STPG2: variants seen among roughly 807,000 people sequenced by gnomAD.
The protein encoded by STPG2 is sperm tail PG-rich repeat containing 2.
STPG2 carries 56 observed loss-of-function variants against 54.2 expected under a neutral mutation model. The ratio of observed to expected loss-of-function variants is 1.03; its 90% CI spans 0.83 to 1.29. The LOEUF is 1.29. STPG2 is among the 50% of genes most tolerant of loss of function. The pLI, the probability that STPG2 is intolerant of heterozygous loss-of-function variation, is 0.00. For missense variants in STPG2, 596 were observed against 544.9 expected, an observed-to-expected ratio of 1.09 and a Z score of -0.93; for synonymous variants, 200 against 181.8, an observed-to-expected ratio of 1.10 and a Z score of -0.81.
intron 5 of STPG2, among the ~76,000 whole-genome samples, chr4:98,032,048 C>CA (rs1736616574): frequency 6.6e-6 from 1 of 151,998 alleles, no homozygotes; most frequent in Non-Finnish European, 1.5e-5. Flanking sequence ...TGGCCATAAT[C>CA]AAAAAATCAA....
At chr4:98,045,871 T>C (rs906080352) in intron 5 of STPG2, among the ~76,000 whole-genome samples, 12 of 152,078 alleles carry the variant, frequency 7.9e-5, no homozygotes, top group African/African-American at 2.9e-4. Flanking sequence ...TTGGGCTTCC[T>C]GGAGCTGGAT....
intron 4 of STPG2, among the ~76,000 whole-genome samples, chr4:97,465,187 T>A (rs1020805558): frequency 6.6e-6 from 1 of 152,178 alleles, no homozygotes; most frequent in Non-Finnish European, 1.5e-5. Context: ...AAAATTACCA[T>A]TGTACTTATT....
chr4:97,504,652 A>G (rs1169559794), intron 4 of STPG2, among the ~76,000 whole-genome samples: 1 of 151,992 alleles, frequency 6.6e-6, no homozygotes, highest in African/African-American at 2.4e-5. Flanking sequence ...CTCCATCTAT[A>G]ACATCTGAAA....
chr4:97,728,691 A>T (rs1478642628), intron 9 of STPG2, among the ~76,000 whole-genome samples: 1 of 152,016 alleles, frequency 6.6e-6, no homozygotes, highest in Non-Finnish European at 1.5e-5. Flanking sequence ...GAAAAAAAAA[A>T]ATTCATAAGG....
At chr4:97,554,636 TA>T (rs540900133), downstream of STPG2, among the ~76,000 whole-genome samples, 57 of 152,306 alleles carry the variant, frequency 3.7e-4, no homozygotes, top group Middle Eastern at 3.4e-3. Flanking sequence ...TCTTGAGCTA[TA>T]AACAACATTC....
rs546871695 is a variant in STPG2 at position 97,683,939 on chromosome 4, G to T, written c.1320+28760C>A. 4.9e-3 allele frequency among the ~76,000 whole-genome samples: 750 copies of T among 151,820 alleles called. 3 individuals carry two copies. The highest frequency in any genetic ancestry group is 0.021 in the Middle Eastern group (6 of 292). ...TGCAGGATACAAAACATACACAAAA[G>T]TCAGTTGCTTTCCTATATAACAGCA... On this transcript the variant is annotated intron_variant, in intron 10 of 10. Transcript: ENST00000295268.
chr4:97,639,058 C>T (rs978637422), intron 10 of STPG2, among the ~76,000 whole-genome samples: 32 of 152,038 alleles, frequency 2.1e-4, no homozygotes, highest in Admixed American at 3.3e-4. Flanking sequence ...ATGTTTATTG[C>T]GGCATTATTC....
chr4:97,449,487 T>C (rs1729311744), intron 4 of STPG2, among the ~76,000 whole-genome samples: 1 of 152,162 alleles, frequency 6.6e-6, no homozygotes, highest in Non-Finnish European at 1.5e-5. Flanking sequence ...AAACTCTGAT[T>C]TCCATTGCTG....
chr4:98,132,948 TAAAAAAAA>T (rs200375140), intron 2 of STPG2, among the ~76,000 whole-genome samples: 51,950 of 101,574 alleles, frequency 0.51, 9,721 homozygotes, highest in South Asian at 0.55. Flanking sequence ...TGAAATGAAC[TAAAAAAAA>T]AAAAAAAAAA....
chr4:97,515,313 C>A (rs1457416805), intron 4 of STPG2, among the ~76,000 whole-genome samples: 1 of 151,854 alleles, frequency 6.6e-6, no homozygotes, highest in African/African-American at 2.4e-5. Flanking sequence ...GAAATGTATA[C>A]CCATTTGGGA....
intron 9 of STPG2, among the ~76,000 whole-genome samples, chr4:97,825,938 GCTAAATGCTTTAGGGTCATAAA>G (rs1728245843): frequency 1.3e-5 from 2 of 152,148 alleles, no homozygotes; most frequent in South Asian, 4.1e-4. Flanking sequence ...GTATTAGTTT[GCTAAATGCTTTAGGGTCATAAA>G]CTGATTCTTT....
At chr4:97,974,553 G>A (rs1734440526) in intron 6 of STPG2, among the ~76,000 whole-genome samples, 1 of 152,128 alleles carries the variant, frequency 6.6e-6, no homozygotes, top group Admixed American at 6.5e-5. Flanking sequence ...TATGTGTCTT[G>A]GGAGGAACCT....
At chr4:97,953,646 C>T (rs1287422877) in intron 7 of STPG2, among the ~76,000 whole-genome samples, 1 of 152,250 alleles carries the variant, frequency 6.6e-6, no homozygotes, top group East Asian at 1.9e-4. Context: ...TCATATTCCC[C>T]ATTGCTCCTT....
intron 5 of STPG2, among the ~76,000 whole-genome samples, chr4:98,083,217 A>G (rs561589747): frequency 6.6e-6 from 1 of 152,224 alleles, no homozygotes; most frequent in Admixed American, 6.5e-5. Context: ...TGTAATAATG[A>G]CTCTTAAACA....
intron 10 of STPG2, among the ~76,000 whole-genome samples, chr4:97,600,596 T>C (rs1451734222): frequency 6.6e-6 from 1 of 152,182 alleles, no homozygotes; most frequent in East Asian, 1.9e-4. Flanking sequence ...TACAGACCTA[T>C]GCAGATAATA....
chr4:97,558,936 G>A lies in STPG2; in HGVS notation c.*122C>T, dbSNP rs1007448189. 1.3e-6 allele frequency: 1 copy of A among 790,180 alleles called. No individual in the cohort carries two copies. The highest frequency in any genetic ancestry group is 2.1e-6 in the Non-Finnish European group (1 of 470,188). 48.9% of individuals were successfully genotyped at this position (790,180 alleles called of 1,614,324 possible). The stretch of plus-strand genomic sequence containing the variant: ...TATAGTCACTAAAGCCTGAGCGAAT[G>A]CCTGAACAAGTGAAAATTATGCTTT... On this transcript the variant is annotated 3_prime_UTR_variant, in exon 11 of 11. Coordinates refer to ENST00000295268, the MANE Select transcript of STPG2 (RefSeq NM_174952.3).
chr4:97,517,458 C>A (rs1731098650), intron 4 of STPG2, among the ~76,000 whole-genome samples: 1 of 152,086 alleles, frequency 6.6e-6, no homozygotes, highest in African/African-American at 2.4e-5. Context: ...GGGAGTGAGA[C>A]AACTTGGCTC....
intron 10 of STPG2, among the ~76,000 whole-genome samples, chr4:97,678,925 T>A (rs191557376): frequency 1.3e-5 from 2 of 152,228 alleles, no homozygotes; most frequent in East Asian, 3.9e-4. Context: ...GATTTCCAAT[T>A]TCATCCATGT....
At chr4:97,859,604 A>G (rs1011733056) in intron 8 of STPG2, among the ~76,000 whole-genome samples, 39 of 152,056 alleles carry the variant, frequency 2.6e-4, no homozygotes, top group Non-Finnish European at 4.6e-4. Context: ...AGCTGGGACT[A>G]CAGGCACGTG....
Sources: allele counts gnomAD v4.1 joint callset (sites outside exome capture counted in the v4.1 genomes callset), GRCh38; gene constraint gnomAD v4.1.1; transcripts MANE v1.5; gene names NCBI Gene and HGNC (gene_info 2026-07-23, HGNC 2026-07-21).